Variants in HNF1A observed in about 807,000 individuals in gnomAD.
HNF1A encodes HNF1 homeobox A.
Under a neutral mutation model 62.2 loss-of-function variants are expected in HNF1A, and 21 were observed. The ratio of observed to expected loss-of-function variants is 0.34; its 90% CI spans 0.24 to 0.49. The LOEUF is 0.49. Among genes scored for constraint, HNF1A ranks in the 20% least tolerant of loss-of-function variants. HNF1A has a pLI of 0.99. For missense variants in HNF1A, 687 were observed against 832.3 expected (o/e 0.83, Z 2.15); for synonymous variants, 374 against 366.8 (o/e 1.02, Z -0.22).
Position 120,996,884 on chromosome 12 carries a change from T to C in HNF1A, c.1309+142T>C, listed in dbSNP as rs1020061162. Reference sequence around the variant, plus strand: ...CCAGTGCCTACTCTGGACCAGTCACTGTGCTACATCAGTGATACCTGGGTG... The same window carrying C: ...CCAGTGCCTACTCTGGACCAGTCACCGTGCTACATCAGTGATACCTGGGTG... On this transcript the variant is annotated intron_variant, in intron 6 of 9. Transcript: ENST00000257555. The surrounding 1 kb of genome is among the most constrained non-coding windows in gnomAD (Gnocchi z 4.5). 6.8e-5 allele frequency: 104 copies of C among 1,533,924 alleles called. No individual in the cohort carries two copies. The Admixed American group carries it at 8.6e-4, about 13-fold the overall frequency.
intron 2 of HNF1A, among the ~76,000 whole-genome samples, chr12:120,992,827 T>C (rs978212418): frequency 2.0e-5 from 3 of 152,166 alleles, no homozygotes; most frequent in African/African-American, 4.8e-5. Flanking sequence ...TAGCCACTTA[T>C]GCCCGCTGCT....
At chr12:120,988,793 C>T (rs370870606) in intron 1 of HNF1A, 40 bp from the exon 2 acceptor site, 29 of 1,598,402 alleles carry the variant, frequency 1.8e-5, no homozygotes, top group Non-Finnish European at 2.3e-5. Context: ...TGGGGAGAGA[C>T]AGCCCTTGCT....
At chr12:120,997,328 T>C in intron 6 of HNF1A, 146 bp from the exon 7 acceptor site, 1 of 1,328,710 alleles carries the variant, frequency 7.5e-7, no homozygotes, top group South Asian at 1.5e-5. Context: ...TAGTGGCAGG[T>C]CCCAGTGGAG....
rs1030247287 is a variant in HNF1A at position 121,001,986 on chromosome 12, C to T, written c.*794C>T. On this transcript the variant is annotated 3_prime_UTR_variant, in exon 10 of 10. Transcript: ENST00000257555. Reference sequence around the variant, plus strand: ...GAAGGCTACTTCGGGGCTGGGAAGTCGTCCTTACTCCTGTGGGAGCCTCGC... The same window carrying T: ...GAAGGCTACTTCGGGGCTGGGAAGTTGTCCTTACTCCTGTGGGAGCCTCGC... 11 of 535,980 alleles carry T rather than the reference C, an allele frequency of 2.1e-5. No homozygotes were observed. The East Asian group carries it at 3.9e-4, about 19-fold the overall frequency. 33.2% of individuals were successfully genotyped at this position (535,980 alleles called of 1,614,324 possible).
At chr12:120,990,468 T>C (rs926344429) in intron 2 of HNF1A, among the ~76,000 whole-genome samples, 3 of 135,368 alleles carry the variant, frequency 2.2e-5, no homozygotes, top group Admixed American at 2.1e-4. Context: ...TAGCCAGGCA[T>C]GGTGGTGTGC....
Position 121,001,538 on chromosome 12 carries a change from G to A in HNF1A, c.*346G>A. On this transcript the variant is annotated 3_prime_UTR_variant, in exon 10 of 10. Transcript: ENST00000257555. ...TGGGCACCCCCAGCCTGGGCCTATG[G>A]AGAGCCCTGGGACCGCTACACCACT... is the stretch of plus-strand genomic sequence containing the variant. 1 of 447,844 alleles carries A rather than the reference G, an allele frequency of 2.2e-6. No individual in the cohort carries two copies. Among genetic ancestry groups the A allele is most frequent in the East Asian group, 4.0e-5 (1 of 25,244 alleles). The allele number at this position is 447,844 out of a possible 1,614,324, so 27.7% of individuals were successfully genotyped here. A position where few individuals can be genotyped will look rare whatever the true frequency, so the allele number is the denominator to read the frequency against.
rs571084139 is a variant in HNF1A at position 121,001,459 on chromosome 12, T to C, written c.*267T>C. ...TGGCAGATGTAGGAGGGACTGTCGC[T>C]GCTTCGTGGGATACAGTCTTCTTAC... is the stretch of plus-strand genomic sequence containing the variant. On this transcript the variant is annotated 3_prime_UTR_variant, in exon 10 of 10. Transcript: ENST00000257555. The C allele has an allele frequency of 1.6e-4, 84 of 515,156 alleles. No individual in the cohort carries two copies. In the East Asian group the frequency reaches 2.7e-3, roughly 17 times the overall value. 31.9% of individuals were successfully genotyped at this position (515,156 alleles called of 1,614,324 possible).
Position 120,994,457 on chromosome 12 carries a change from AG to A in HNF1A, c.955+54del, listed in dbSNP as rs752141928. ...ACGTGGGAAGGTGGGAGGGTTGGGG[AG>A]GACTGTCCCAGTGACAGCAGTCACC... On this transcript the variant is annotated intron_variant, in intron 4 of 9. Transcript: ENST00000257555. 14 of 1,554,410 alleles carry A rather than the reference AG, an allele frequency of 9.0e-6. No homozygotes were observed. In the African/African-American group the frequency reaches 1.9e-4, roughly 21 times the overall value.
Position 121,001,421 on chromosome 12 carries a change from C to T in HNF1A, c.*229C>T. The stretch of plus-strand genomic sequence containing the variant: ...GGAGGGGGTCGTGGAGAGCTAGGAG[C>T]AAAGCCTGTTCATGGCAGATGTAGG... On this transcript the variant is annotated 3_prime_UTR_variant, in exon 10 of 10. Coordinates refer to ENST00000257555, the MANE Select transcript of HNF1A (RefSeq NM_000545.8). The T allele has an allele frequency of 1.7e-6, 1 of 574,184 alleles. No homozygotes were observed. The highest frequency in any genetic ancestry group is 3.1e-6 in the Non-Finnish European group (1 of 320,706). The allele number at this position is 574,184 out of a possible 1,614,324, so 35.6% of individuals were successfully genotyped here.
chr12:120,984,185 C>G (rs560947239), intron 1 of HNF1A, among the ~76,000 whole-genome samples: 1 of 152,068 alleles, frequency 6.6e-6, no homozygotes, highest in African/African-American at 2.4e-5. Flanking sequence ...AAAAGTGGAA[C>G]GTTCGTATCA....
At chr12:120,985,629 G>A (rs764931770) in intron 1 of HNF1A, among the ~76,000 whole-genome samples, 5 of 152,042 alleles carry the variant, frequency 3.3e-5, no homozygotes, top group Non-Finnish European at 7.4e-5. Flanking sequence ...CTATGATCAC[G>A]CCACTGTGCT....
At position 121,001,059 on chromosome 12, in the gene HNF1A, C is replaced by G. The variant is rs763628590; in HGVS notation, c.1769-6C>G. ...GGGTGGCTAGCAGCCTTGTTTGCCT[C>G]TGCAGTGTCCTCCAGCAGCCTGGTG... On this transcript the variant is annotated splice_region_variant and splice_polypyrimidine_tract_variant and intron_variant, in intron 9 of 9. Transcript: ENST00000257555. The G allele has an allele frequency of 3.7e-6, 6 of 1,613,114 alleles. No individual in the cohort carries two copies. The South Asian group carries it at 6.6e-5, about 18-fold the overall frequency.
chr12:120,988,392 TCATCCATCCATCCACCCATTCGCC>T (rs1356263888), intron 1 of HNF1A, among the ~76,000 whole-genome samples: 8 of 148,498 alleles, frequency 5.4e-5, no homozygotes, highest in Non-Finnish European at 1.2e-4. Context: ...ATCCACCAAT[TCATCCATCCATCCACCCATTCGCC>T]CATCCATCCA....
chr12:120,988,882 C>T lies in HNF1A; in HGVS notation c.376C>T (p.His126Tyr). ...GATGGTCAAGTCCTACCTGCAGCAG[C>T]ACAACATCCCACAGCGGGAGGTGGT... ...AKMVKSYLQQHNIPQREVVDT... is the reference protein window; with the variant it reads ...AKMVKSYLQQYNIPQREVVDT... The change falls in exon 2 of 10, where the codon CAC becomes TAC. Residue 126 changes from histidine to tyrosine, a missense_variant. Around this residue, in one of 5 missense-constraint regions of HNF1A, gnomAD observed 26 missense variants for 60.7 expected, o/e 0.43. Coordinates refer to ENST00000257555, the MANE Select transcript of HNF1A (RefSeq NM_000545.8). The T allele has an allele frequency of 6.2e-7, 1 of 1,614,266 alleles. No homozygotes were observed. Among genetic ancestry groups the T allele is most frequent in the South Asian group, 1.1e-5 (1 of 91,090 alleles).
intron 2 of HNF1A, 36 bp from the exon 3 acceptor site, chr12:120,993,484 G>A: frequency 6.2e-7 from 1 of 1,607,230 alleles, no homozygotes; most frequent in Non-Finnish European, 8.5e-7. Context: ...AGGTGAGAGT[G>A]GCCAGTACCC....
At chr12:120,991,843 G>C (rs771898219) in intron 2 of HNF1A, among the ~76,000 whole-genome samples, 4 of 152,168 alleles carry the variant, frequency 2.6e-5, no homozygotes, top group Non-Finnish European at 4.4e-5. Context: ...GTTTCTGAGA[G>C]AAATAGTGTT....
In HNF1A at chr12:120,996,206, G is replaced by C. The variant is rs1240364274; in HGVS notation, c.956-56G>C. On this transcript the variant is annotated intron_variant, in intron 4 of 9. Coordinates refer to ENST00000257555, the MANE Select transcript of HNF1A (RefSeq NM_000545.8). The surrounding 1 kb of genome is among the most constrained non-coding windows in gnomAD (Gnocchi z 4.5). ...AGTTTGAAGTGCTGAGGGCTGTGGA[G>C]GCAGGGGAGGGCAGGGAAGTGGGGT... 1.2e-6 allele frequency: 2 copies of C among 1,603,266 alleles called. No homozygotes were observed. The highest frequency in any genetic ancestry group is 1.7e-6 in the Non-Finnish European group (2 of 1,172,332).
chr12:120,986,097 C>T (rs1876497680), intron 1 of HNF1A, among the ~76,000 whole-genome samples: 1 of 152,194 alleles, frequency 6.6e-6, no homozygotes, highest in Admixed American at 6.5e-5. Flanking sequence ...CTCCCATCCC[C>T]AGCACCCCGT....
At chr12:120,997,256 CT>C in intron 6 of HNF1A, 1 of 1,427,146 alleles carries the variant, frequency 7.0e-7, no homozygotes, top group African/African-American at 1.4e-5. Context: ...GCCTCTCCCA[CT>C]AGCCTAGACA....
Sources: allele counts gnomAD v4.1 joint callset (sites outside exome capture counted in the v4.1 genomes callset), GRCh38; gene constraint gnomAD v4.1.1; regional missense constraint gnomAD v4.1.1; non-coding constraint Gnocchi (gnomAD v3.1); transcripts MANE v1.5; gene names NCBI Gene and HGNC (gene_info 2026-07-23, HGNC 2026-07-21).